The following TTC4 variants were observed in gnomAD, a reference collection of about 807,000 sequenced individuals.
TTC4 encodes the protein hsp70/Hsp90 co-chaperone CNS1 homolog.
In TTC4, 36 loss-of-function variants were observed where a neutral mutation model predicts 51.9. The observed-to-expected ratio is 0.69, with a 90% CI of 0.53 to 0.92. TTC4 has a LOEUF of 0.92. TTC4 is among the 40% of genes least tolerant of loss of function. The pLI is 0.00. For synonymous variants in TTC4, 144 were observed against 164.2 expected, an observed-to-expected ratio of 0.88 and a Z score of 0.94; for missense variants, 399 against 454.6, an observed-to-expected ratio of 0.88 and a Z score of 1.11.
chr1:54,717,870 C>CCAAGTCACTTT, intron 3 of TTC4: 1 of 393,858 alleles, frequency 2.5e-6, no homozygotes, highest in Non-Finnish European at 4.4e-6. Flanking sequence ...CAAAAAGTGA[C>CCAAGTCACTTT]TTGGTCACTC....
chr1:54,721,185 T>G lies in TTC4; in HGVS notation c.414T>G (p.Asn138Lys). ...YYLGNFRSALNDVTAARKLKP... is the reference protein window; with the variant it reads ...YYLGNFRSALKDVTAARKLKP... Reference sequence around the variant, plus strand: ...TAGGCAATTTTCGTTCTGCTCTCAATGATGTGACAGCTGCCAGAAAGCTAA... The same window carrying G: ...TAGGCAATTTTCGTTCTGCTCTCAAGGATGTGACAGCTGCCAGAAAGCTAA... Residue 138 changes from asparagine (N) to lysine (K), a missense_variant, in exon 4 of 10, where the codon AAT (asparagine) becomes AAG (lysine). Physicochemically the swap from Asn to Lys is moderately conservative, Grantham distance 94. This residue lies in a region of TTC4 where 316 missense variants were observed against 349.6 expected (regional missense o/e 0.90). Coordinates refer to ENST00000371281, the MANE Select transcript of TTC4 (RefSeq NM_004623.5). The G allele has an allele frequency of 6.2e-7, 1 of 1,613,576 alleles. No individual in the cohort carries two copies. The highest frequency in any genetic ancestry group is 8.5e-7 in the Non-Finnish European group (1 of 1,179,608).
chr1:54,730,492 A>G (rs575133797), intron 6 of TTC4, among the ~76,000 whole-genome samples: 1 of 152,298 alleles, frequency 6.6e-6, no homozygotes, highest in East Asian at 1.9e-4. Context: ...ACAGTGGCAG[A>G]GTTGAGTAGT....
Position 54,715,932 on chromosome 1 carries a change from C to T in TTC4, c.24C>T (p.Pro8=), listed in dbSNP as rs1430861305. Residue 8 remains proline (P), a synonymous_variant, in exon 1 of 10, where the codon CCC becomes CCT. Coordinates refer to ENST00000371281, the MANE Select transcript of TTC4 (RefSeq NM_004623.5). The part of the protein sequence containing the change: MEQPGQD[P]TSDDVMDSFL... ...CTATGGAACAACCTGGGCAGGATCC[C>T]ACCTCAGACGACGTCATGGACTCGT... 2 of 1,607,368 alleles carry T rather than the reference C, an allele frequency of 1.2e-6. No homozygotes were observed. Among genetic ancestry groups the T allele is most frequent in the Admixed American group, 1.7e-5 (1 of 59,410 alleles).
At chr1:54,716,306 A>C (rs569249944) in intron 1 of TTC4, among the ~76,000 whole-genome samples, 2 of 152,200 alleles carry the variant, frequency 1.3e-5, no homozygotes, top group African/African-American at 4.8e-5. Flanking sequence ...TGCGCGAACT[A>C]TATCACCAAT....
chr1:54,722,036 G>T (rs1342603127), intron 4 of TTC4, among the ~76,000 whole-genome samples: 1 of 152,110 alleles, frequency 6.6e-6, no homozygotes. Flanking sequence ...GTTAGAATCT[G>T]TTGGCATCTA....
chr1:54,738,392 A>G (rs1235689280), intron 9 of TTC4, among the ~76,000 whole-genome samples: 1 of 152,148 alleles, frequency 6.6e-6, no homozygotes, highest in Non-Finnish European at 1.5e-5. Context: ...CTCAGGCACC[A>G]TCCGAGGAGT....
rs3737825 is a variant in TTC4 at position 54,721,252 on chromosome 1, G to A, written c.469+12G>A. 108,074 of 1,611,380 alleles carry A rather than the reference G, an allele frequency of 0.067. 5,202 individuals carry two copies. The highest frequency in any genetic ancestry group is 0.18 in the South Asian group (16,389 of 90,942). On this transcript the variant is annotated intron_variant, in intron 4 of 9. Transcript: ENST00000371281. ...AGCAATAATAAGAGGTAAGTCTTGT[G>A]GAACTACAGTATGACATTTAAAGCT...
chr1:54,724,057 A>T (rs1006809042), intron 5 of TTC4, among the ~76,000 whole-genome samples: 1 of 152,174 alleles, frequency 6.6e-6, no homozygotes, highest in African/African-American at 2.4e-5. Context: ...AGTCACAATT[A>T]AAGGGAGATT....
chr1:54,723,661 T>C (rs1419476893), intron 5 of TTC4, among the ~76,000 whole-genome samples: 3 of 152,240 alleles, frequency 2.0e-5, no homozygotes, highest in Non-Finnish European at 1.5e-5. Flanking sequence ...TTTAGCTACC[T>C]CACTAGTAGA....
chr1:54,741,773 T>TCTGCTGCAGTTACCA lies in TTC4; in HGVS notation c.*262_*276dup. 2.0e-6 allele frequency: 1 copy of TCTGCTGCAGTTACCA among 509,142 alleles called. No homozygotes were observed. Among genetic ancestry groups the TCTGCTGCAGTTACCA allele is most frequent in the Non-Finnish European group, 3.5e-6 (1 of 283,190 alleles). 31.5% of individuals were successfully genotyped at this position (509,142 alleles called of 1,614,324 possible). On this transcript the variant is annotated 3_prime_UTR_variant, in exon 10 of 10. Coordinates refer to ENST00000371281, the MANE Select transcript of TTC4 (RefSeq NM_004623.5). ...TTGGACTCCATCGCTAAAGGGACCA[T>TCTGCTGCAGTTACCA]CTGCTGCAGTTACCACAGCAACTGA...
Position 54,736,222 on chromosome 1 carries a change from GAAGAGGAGA to G in TTC4, c.979-1359_979-1351del, listed in dbSNP as rs1645936695. ...AGAGAGAGAGAGAGAGAGAGAGAGAGAAGAGGAGAGGAGAGAGAAGAGAGGAGAGAGGAG... is the reference window on the plus strand; with the variant it reads ...AGAGAGAGAGAGAGAGAGAGAGAGAGGGAGAGAGAAGAGAGGAGAGAGGAG... On this transcript the variant is annotated intron_variant, in intron 8 of 9. Transcript: ENST00000371281. Among the ~76,000 whole-genome samples, 55 of 120,266 alleles carry G rather than the reference GAAGAGGAGA, an allele frequency of 4.6e-4. 2 individuals carry two copies. The highest frequency in any genetic ancestry group is 1.8e-3 in the African/African-American group (52 of 29,588). 78.9% of individuals were successfully genotyped at this position (120,266 alleles called of 152,430 possible). A position where few individuals can be genotyped will look rare whatever the true frequency, so the allele number is the denominator to read the frequency against.
intron 5 of TTC4, 72 bp downstream of exon 5, chr1:54,722,871 C>A: frequency 6.4e-7 from 1 of 1,573,706 alleles, no homozygotes; most frequent in South Asian, 1.2e-5. Context: ...TTGTGTCTCT[C>A]AAGTCATTGT....
At chr1:54,722,560 T>C in intron 4 of TTC4, 115 bp from the exon 5 acceptor site, 3 of 1,457,592 alleles carry the variant, frequency 2.1e-6, no homozygotes, top group South Asian at 1.3e-5. Flanking sequence ...GGCATTATCC[T>C]CCATTTTGCC....
chr1:54,736,056 T>G (rs796839185), intron 8 of TTC4, among the ~76,000 whole-genome samples: 4 of 152,200 alleles, frequency 2.6e-5, no homozygotes, highest in African/African-American at 9.6e-5. Flanking sequence ...AGCCGAGATC[T>G]CTGTGCAATA....
In TTC4 at chr1:54,741,853, T is replaced by C; in HGVS notation, c.*340T>C. The C allele has an allele frequency of 3.3e-6, 1 of 304,264 alleles. No individual in the cohort carries two copies. Among genetic ancestry groups the C allele is most frequent in the Non-Finnish European group, 6.2e-6 (1 of 162,152 alleles). 18.8% of individuals were successfully genotyped at this position (304,264 alleles called of 1,614,324 possible). On this transcript the variant is annotated 3_prime_UTR_variant, in exon 10 of 10. Transcript: ENST00000371281. The stretch of plus-strand genomic sequence containing the variant: ...GACTCAGGATCCAGTGACATGATTC[T>C]GAACTTTTGTGGAGTTTGACACCTT...
At chr1:54,719,373 C>G (rs111865829) in intron 3 of TTC4, among the ~76,000 whole-genome samples, 2,260 of 131,084 alleles carry the variant, frequency 0.017, no homozygotes, top group African/African-American at 0.054. Context: ...ATTCAGTTTC[C>G]TTAAGCCTGA....
chr1:54,731,759 C>A, intron 7 of TTC4, 59 bp downstream of exon 7: 1 of 1,533,318 alleles, frequency 6.5e-7, no homozygotes, highest in Non-Finnish European at 8.9e-7. Context: ...GTTTTTGTGG[C>A]AGGAGGGACG....
In TTC4 at chr1:54,741,903, C is replaced by CCGAG; in HGVS notation, c.*390_*391insCGAG. 6 of 186,552 alleles carry CCGAG rather than the reference C, an allele frequency of 3.2e-5. No homozygotes were observed. The highest frequency in any genetic ancestry group is 2.6e-4 in the South Asian group (2 of 7,680). 11.6% of individuals were successfully genotyped at this position (186,552 alleles called of 1,614,324 possible). On this transcript the variant is annotated 3_prime_UTR_variant, in exon 10 of 10. Transcript: ENST00000371281. ...TAGAGAAGCTACCCCTCAAACTGCACATCTACACACAAACAAACAATGCAT... is the reference window on the plus strand; with the variant it reads ...TAGAGAAGCTACCCCTCAAACTGCACCGAGATCTACACACAAACAAACAATGCAT...
At chr1:54,738,101 A>G (rs1284895621) in intron 9 of TTC4, among the ~76,000 whole-genome samples, 9 of 152,088 alleles carry the variant, frequency 5.9e-5, no homozygotes, top group Admixed American at 5.9e-4. Context: ...GGGTTTCACC[A>G]TGTTGGCCAG....
Sources: gnomAD v4.1 joint callset for allele counts (sites outside exome capture counted in the v4.1 genomes callset) on GRCh38, gnomAD v4.1.1 for gene constraint, gnomAD v4.1.1 regional missense constraint, MANE v1.5 for transcripts, NCBI Gene and HGNC (gene_info 2026-07-23, HGNC 2026-07-21) for gene names.